Variants in ZP4 observed in about 807,000 individuals in gnomAD.
The protein encoded by ZP4 is zona pellucida sperm-binding protein 4.
ZP4 carries 62 observed loss-of-function variants against 62.3 expected under a neutral mutation model. The observed-to-expected ratio is 0.99, with a 90% CI of 0.81 to 1.23. The LOEUF (loss-of-function observed/expected upper bound fraction) is 1.23, where lower values mean the gene tolerates loss of function less well. ZP4 is among the 50% of genes most tolerant of loss of function. ZP4 has a pLI of 0.00. For missense variants in ZP4, 774 were observed against 656.0 expected (o/e 1.18, Z -1.97); for synonymous variants, 289 against 247.3 (o/e 1.17, Z -1.58).
At chr1:237,883,983 A>ACACACACACACACAC (rs1665013477) in intron 10 of ZP4, among the ~76,000 whole-genome samples, 1 of 42,396 alleles carries the variant, frequency 2.4e-5, no homozygotes, top group African/African-American at 9.0e-5. Context: ...CACACACACA[A>ACACACACACACACAC]ACACACACAC....
rs1665080897 is a variant in ZP4 at position 237,885,555 on chromosome 1, A to T, written c.996T>A (p.Gly332=). 6.2e-7 allele frequency: 1 copy of T among 1,613,644 alleles called. No individual in the cohort carries two copies. Among genetic ancestry groups the T allele is most frequent in the African/African-American group, 1.3e-5 (1 of 74,892 alleles). ...AKDKNYGSYY[G]VGDYPVVKLL... is the part of the protein sequence containing the mutation. ...ACTTCACCACTGGGTAGTCACCAACACCGTAGTAAGAGCCATAGTTTTTAT... is the reference window on the plus strand; with the variant it reads ...ACTTCACCACTGGGTAGTCACCAACTCCGTAGTAAGAGCCATAGTTTTTAT... Residue 332 remains glycine (G), a synonymous_variant, in exon 8 of 12, where the codon GGT becomes GGA. Transcript: ENST00000366570.
intron 4 of ZP4, 86 bp from the exon 5 acceptor site, chr1:237,887,647 T>A: frequency 7.2e-7 from 1 of 1,395,914 alleles, no homozygotes; most frequent in Non-Finnish European, 9.7e-7. Flanking sequence ...TAGTTACTTT[T>A]AATCCCACTG....
chr1:237,889,861 C>T lies in ZP4; in HGVS notation c.400+6G>A, dbSNP rs748527303. ...CCACAAGACCCTGAGAGCTTCCAGC[C>T]TTTACCTAGAAGATCCATAGGACAC... On this transcript the variant is annotated splice_donor_region_variant and intron_variant, in intron 3 of 11. Coordinates refer to ENST00000366570, the MANE Select transcript of ZP4 (RefSeq NM_021186.5). 2 of 1,613,242 alleles carry T rather than the reference C, an allele frequency of 1.2e-6. No homozygotes were observed. The highest frequency in any genetic ancestry group is 2.2e-5 in the South Asian group (2 of 91,042).
Position 237,890,188 on chromosome 1 carries a change from G to A in ZP4, c.176-12C>T, listed in dbSNP as rs1296974575. ...CAGCCCTTGGTTGTCTGGAGGGGTGGGGAAGAGGTGAGAAAACACAGCGGT... is the reference window on the plus strand; with the variant it reads ...CAGCCCTTGGTTGTCTGGAGGGGTGAGGAAGAGGTGAGAAAACACAGCGGT... On this transcript the variant is annotated splice_polypyrimidine_tract_variant and intron_variant, in intron 1 of 11. Transcript: ENST00000366570. The A allele has an allele frequency of 3.1e-6, 5 of 1,613,618 alleles. No homozygotes were observed. The highest frequency in any genetic ancestry group is 3.4e-6 in the Non-Finnish European group (4 of 1,180,002).
chr1:237,890,850 C>T lies in ZP4; in HGVS notation c.-215G>A. On this transcript the variant is annotated 5_prime_UTR_variant, in exon 1 of 12. In the 5' UTR this introduces an upstream ATG that the reference lacks. Coordinates refer to ENST00000366570, the MANE Select transcript of ZP4 (RefSeq NM_021186.5). ...TGCAGCTGCCTCACATTAAATACCA[C>T]AATCCAGGCAGACTTCAGAGCCCAA... 2.1e-6 allele frequency: 1 copy of T among 472,624 alleles called. No individual in the cohort carries two copies. The highest frequency in any genetic ancestry group is 3.7e-6 in the Non-Finnish European group (1 of 269,018). 29.3% of individuals were successfully genotyped at this position (472,624 alleles called of 1,614,324 possible). A position where few individuals can be genotyped will look rare whatever the true frequency, so the allele number is the denominator to read the frequency against.
chr1:237,883,168 C>T (rs899893311), intron 10 of ZP4, among the ~76,000 whole-genome samples: 2 of 152,126 alleles, frequency 1.3e-5, no homozygotes, highest in African/African-American at 2.4e-5. Flanking sequence ...TAGAACAGAA[C>T]TTGGAGGCTG....
rs144048684 is a variant in ZP4, at chr1:237,885,189, C to T, written c.1287G>A (p.Val429=). The change falls in exon 9 of 12, where the codon GTG becomes GTA. Residue 429 remains valine, a synonymous_variant. Coordinates refer to ENST00000366570, the MANE Select transcript of ZP4 (RefSeq NM_021186.5). ...CCGGTCCCCTGAGGGCCTGTTTCTC[C>T]ACTGTAGGGTTCACAAAGCTGAAGG... is the stretch of plus-strand genomic sequence containing the variant. ...IFTFSFVNPT[V]EKQALRGPVH... The T allele has an allele frequency of 1.1e-5, 18 of 1,614,022 alleles. No individual in the cohort carries two copies. The African/African-American group carries it at 1.5e-4, about 13-fold the overall frequency.
Position 237,882,434 on chromosome 1 carries a change from T to A in ZP4, c.1611A>T (p.Gln537His). ...AVKKQKSCPDQMCQ is the reference protein window; with the variant it reads ...AVKKQKSCPDHMCQ Reference sequence around the variant, plus strand: ...ATACACTCTGGTTTTATTGACACATTTGGTCTGGGCAACTCTTCTGTTTCT... The same window carrying A: ...ATACACTCTGGTTTTATTGACACATATGGTCTGGGCAACTCTTCTGTTTCT... The change falls in exon 12 of 12, where the codon CAA becomes CAT. Residue 537 changes from glutamine to histidine, a missense_variant. Coordinates refer to ENST00000366570, the MANE Select transcript of ZP4 (RefSeq NM_021186.5). 6.2e-7 allele frequency: 1 copy of A among 1,610,802 alleles called. No individual in the cohort carries two copies. The highest frequency in any genetic ancestry group is 8.5e-7 in the Non-Finnish European group (1 of 1,179,320).
chr1:237,889,052 G>C (rs1665175628), intron 3 of ZP4, among the ~76,000 whole-genome samples: 1 of 152,142 alleles, frequency 6.6e-6, no homozygotes, highest in Admixed American at 6.5e-5. Context: ...AGTTGAGTAG[G>C]CATCATACTT....
rs745902324 is a variant in ZP4, at chr1:237,885,565, G to A, written c.986C>T (p.Ser329Phe). 2.5e-5 allele frequency: 41 copies of A among 1,613,104 alleles called. No homozygotes were observed. The highest frequency in any genetic ancestry group is 5.0e-5 in the Admixed American group (3 of 59,764). Reference sequence around the variant, plus strand: ...TGGGTAGTCACCAACACCGTAGTAAGAGCCATAGTTTTTATCTGCAAGAGG... The same window carrying A: ...TGGGTAGTCACCAACACCGTAGTAAAAGCCATAGTTTTTATCTGCAAGAGG... ...LQIAKDKNYGSYYGVGDYPVV... is the reference protein window; with the variant it reads ...LQIAKDKNYGFYYGVGDYPVV... Residue 329 changes from serine (S) to phenylalanine (F), a missense_variant, in exon 8 of 12, where the codon TCT (serine) becomes TTT (phenylalanine). Coordinates refer to ENST00000366570, the MANE Select transcript of ZP4 (RefSeq NM_021186.5).
chr1:237,885,588 A>G lies in ZP4; in HGVS notation c.971-8T>C, dbSNP rs1033400159. The G allele has an allele frequency of 1.9e-6, 3 of 1,611,934 alleles. No individual in the cohort carries two copies. In the South Asian group the frequency reaches 3.3e-5, roughly 18 times the overall value. ...AAGAGCCATAGTTTTTATCTGCAAG[A>G]GGCAGAAATAAGGATTTGAAGTAGT... is the stretch of plus-strand genomic sequence containing the variant. On this transcript the variant is annotated splice_region_variant and splice_polypyrimidine_tract_variant and intron_variant, in intron 7 of 11. Coordinates refer to ENST00000366570, the MANE Select transcript of ZP4 (RefSeq NM_021186.5).
rs1229465713 is a variant in ZP4 at position 237,890,720 on chromosome 1, A to G, written c.-85T>C. On this transcript the variant is annotated 5_prime_UTR_variant, in exon 1 of 12. Coordinates refer to ENST00000366570, the MANE Select transcript of ZP4 (RefSeq NM_021186.5). Reference sequence around the variant, plus strand: ...GGTCTGCCTGCCCAGATTCCTTTATATACAGAAGTCAGGCTTGTTTTCAGC... The same window carrying G: ...GGTCTGCCTGCCCAGATTCCTTTATGTACAGAAGTCAGGCTTGTTTTCAGC... The G allele has an allele frequency of 1.4e-5, 20 of 1,463,990 alleles. No individual in the cohort carries two copies. The highest frequency in any genetic ancestry group is 1.8e-5 in the Non-Finnish European group (20 of 1,091,262). The allele number at this position is 1,463,990 out of a possible 1,614,324, so 90.7% of individuals were successfully genotyped here. A position where few individuals can be genotyped will look rare whatever the true frequency, so the allele number is the denominator to read the frequency against.
intron 10 of ZP4, among the ~76,000 whole-genome samples, chr1:237,883,728 G>GAGA (rs1558530153): frequency 8.3e-4 from 16 of 19,210 alleles, no homozygotes; most frequent in African/African-American, 3.7e-3. Context: ...GGAGGGCGGG[G>GAGA]GAGGGAGAGA....
chr1:237,886,038 T>C lies in ZP4; in HGVS notation c.840-152A>G, dbSNP rs79095941. On this transcript the variant is annotated intron_variant, in intron 6 of 11. Coordinates refer to ENST00000366570, the MANE Select transcript of ZP4 (RefSeq NM_021186.5). ...TGCCCTGCTGGGAGCTGTATTTTAG[T>C]TGGGGAGACCAATATACAAGTAGGA... is the stretch of plus-strand genomic sequence containing the variant. 9,641 of 999,250 alleles carry C rather than the reference T, an allele frequency of 9.6e-3. 61 individuals carry two copies. The highest frequency in any genetic ancestry group is 0.012 in the Non-Finnish European group (8,250 of 691,708). The allele number at this position is 999,250 out of a possible 1,614,324, so 61.9% of individuals were successfully genotyped here. A position where few individuals can be genotyped will look rare whatever the true frequency, so the allele number is the denominator to read the frequency against.
rs374054725 is a variant in ZP4 at position 237,890,463 on chromosome 1, C to G, written c.173G>C (p.Trp58Ser). ...GCAAGGCAAGTCATCAAACTTACCC[C>G]AAGCTATTAGTACAGGAGGAGACGT... ...EATSPPVLIAWDNQGLLHELQ... is the reference protein window; with the variant it reads ...EATSPPVLIASDNQGLLHELQ... Residue 58 changes from tryptophan to serine, a missense_variant and splice_region_variant, in exon 1 of 12, where the codon TGG (tryptophan) becomes TCG (serine). Trp to Ser is a radical substitution (Grantham distance 177). Transcript: ENST00000366570. 6.2e-7 allele frequency: 1 copy of G among 1,607,418 alleles called. No individual in the cohort carries two copies. The highest frequency in any genetic ancestry group is 8.5e-7 in the Non-Finnish European group (1 of 1,177,540).
At position 237,889,958 on chromosome 1, in the gene ZP4, G is replaced by A. The variant is rs1665200400; in HGVS notation, c.309C>T (p.Tyr103=). ...CTCCTTCAACTCCAACTGGCATGAT[G>A]TAGTGGGAGTCCTGGAGAGACAGGC... is the stretch of plus-strand genomic sequence containing the variant. ...SCYVTEWDSH[Y]IMPVGVEGAG... The change falls in exon 3 of 12, where the codon TAC becomes TAT. Residue 103 remains tyrosine, a synonymous_variant. Transcript: ENST00000366570. 4 of 1,613,988 alleles carry A rather than the reference G, an allele frequency of 2.5e-6. No individual in the cohort carries two copies. The South Asian group carries it at 4.4e-5, about 18-fold the overall frequency.
At chr1:237,882,961 A>C in intron 10 of ZP4, 115 bp from the exon 11 acceptor site, 7 of 695,356 alleles carry the variant, frequency 1.0e-5, no homozygotes, top group African/African-American at 1.8e-5. Flanking sequence ...TATGCCTTAC[A>C]AAAACCTCAT....
At chr1:237,887,853 C>T (rs1441029393) in intron 4 of ZP4, among the ~76,000 whole-genome samples, 2 of 151,170 alleles carry the variant, frequency 1.3e-5, no homozygotes, top group Non-Finnish European at 2.9e-5. Flanking sequence ...TTTTGCTTGT[C>T]AGTTAAGATT....
rs973040610 is a variant in ZP4 at position 237,888,290 on chromosome 1, C to T, written c.553+68G>A. 16 of 1,448,340 alleles carry T rather than the reference C, an allele frequency of 1.1e-5. No individual in the cohort carries two copies. The Admixed American group carries it at 1.3e-4, about 12-fold the overall frequency. 89.7% of individuals were successfully genotyped at this position (1,448,340 alleles called of 1,614,324 possible). A position where few individuals can be genotyped will look rare whatever the true frequency, so the allele number is the denominator to read the frequency against. Reference sequence around the variant, plus strand: ...TTGATGTTTGCCTTCTGAGCAAACCCCTCTCTGGGTTTCATTGTAATTGCC... The same window carrying T: ...TTGATGTTTGCCTTCTGAGCAAACCTCTCTCTGGGTTTCATTGTAATTGCC... On this transcript the variant is annotated intron_variant, in intron 4 of 11. Transcript: ENST00000366570.
Sources: gnomAD v4.1 joint callset for allele counts (sites outside exome capture counted in the v4.1 genomes callset) on GRCh38, gnomAD v4.1.1 for gene constraint, MANE v1.5 for transcripts, NCBI Gene and HGNC (gene_info 2026-07-23, HGNC 2026-07-21) for gene names.